Variants in DDX50 observed in about 807,000 individuals in gnomAD.
DDX50 encodes ATP-dependent RNA helicase DDX50.
Under a neutral mutation model 94.8 loss-of-function variants are expected in DDX50, and 56 were observed. That is an observed-to-expected ratio of 0.59 (90% CI 0.48 to 0.74). The LOEUF (loss-of-function observed/expected upper bound fraction) is 0.74. Among genes scored for constraint, DDX50 ranks in the 30% least tolerant of loss-of-function variants. The pLI, the probability that DDX50 is intolerant of heterozygous loss-of-function variation, is 0.00. For missense variants in DDX50, 713 were observed against 881.2 expected, an observed-to-expected ratio of 0.81 and a Z score of 2.42; for synonymous variants, 264 against 295.4, an observed-to-expected ratio of 0.89 and a Z score of 1.09.
intron 8 of DDX50, among the ~76,000 whole-genome samples, chr10:68,929,285 CT>C (rs1842173812): frequency 1.3e-5 from 1 of 77,898 alleles, no homozygotes; most frequent in African/African-American, 4.3e-5. Context: ...TCCTTCCTTC[CT>C]TCCTTCCTCT....
intron 1 of DDX50, 28 bp from the exon 2 acceptor site, chr10:68,906,683 T>G: frequency 6.3e-7 from 1 of 1,592,166 alleles, no homozygotes; most frequent in Non-Finnish European, 8.5e-7. Context: ...TCTGACCATC[T>G]TGTCATTGCT....
chr10:68,917,895 A>G (rs1002038747), intron 7 of DDX50, among the ~76,000 whole-genome samples: 14 of 150,562 alleles, frequency 9.3e-5, no homozygotes, highest in Admixed American at 8.6e-4. Context: ...GAGCCACTGT[A>G]CCTGGCCTCC....
chr10:68,916,265 A>C (rs1841787503), intron 7 of DDX50, among the ~76,000 whole-genome samples: 1 of 150,966 alleles, frequency 6.6e-6, no homozygotes, highest in Non-Finnish European at 1.5e-5. Flanking sequence ...GAGGCAGGAG[A>C]ATTGCTTGAA....
chr10:68,929,251 C>CCCTT (rs748750747), intron 8 of DDX50, among the ~76,000 whole-genome samples: 3,584 of 117,952 alleles, frequency 0.03, 183 homozygotes, highest in African/African-American at 0.091. Context: ...CCAGCCTGGT[C>CCCTT]CCTTCCTTCC....
intron 12 of DDX50, among the ~76,000 whole-genome samples, chr10:68,940,216 T>TA (rs1252760946): frequency 6.6e-6 from 1 of 151,718 alleles, no homozygotes; most frequent in African/African-American, 2.4e-5. Flanking sequence ...CCGTCTCTAC[T>TA]AAAAATACAA....
chr10:68,936,590 G>A (rs1842425569), intron 11 of DDX50, among the ~76,000 whole-genome samples: 1 of 143,972 alleles, frequency 6.9e-6, no homozygotes, highest in African/African-American at 2.6e-5. Context: ...TGTAATTCCA[G>A]CACTTCGGGA....
intron 14 of DDX50, among the ~76,000 whole-genome samples, chr10:68,944,119 TATC>T (rs1842610374): frequency 6.6e-6 from 1 of 152,214 alleles, no homozygotes. Context: ...AAAAAGACCT[TATC>T]ATAATACCAT....
chr10:68,935,276 CTG>C (rs980928446), intron 10 of DDX50, among the ~76,000 whole-genome samples: 5 of 152,240 alleles, frequency 3.3e-5, no homozygotes, highest in African/African-American at 7.2e-5. Context: ...TCTAAAGAAA[CTG>C]TACATTTTCT....
Position 68,910,374 on chromosome 10 carries a change from T to G in DDX50, c.452T>G (p.Leu151Arg). ...CCTATTTCTGAAGAGACTATAAAGC[T>G]TCTGAAAGGTATGCAGTTTGGTTGT... ...NFPISEETIK[L>R]LKGRGVTYLF... The change falls in exon 3 of 15, where the codon CTT (leucine) becomes CGT (arginine). Residue 151 changes from leucine to arginine, a missense_variant. By Grantham distance (102) the Leu-to-Arg change is moderately radical. Transcript: ENST00000373585. 1 of 1,599,416 alleles carries G rather than the reference T, an allele frequency of 6.3e-7. No homozygotes were observed. Among genetic ancestry groups the G allele is most frequent in the Non-Finnish European group, 8.5e-7 (1 of 1,176,016 alleles).
In DDX50 at chr10:68,934,342, T is replaced by A; in HGVS notation, c.1383T>A (p.Ile461=). 6.2e-7 allele frequency: 1 copy of A among 1,613,702 alleles called. No homozygotes were observed. Among genetic ancestry groups the A allele is most frequent in the African/African-American group, 1.3e-5 (1 of 75,032 alleles). The change falls in exon 9 of 15, where the codon ATT becomes ATA. Residue 461 remains isoleucine (I), a synonymous_variant. Coordinates refer to ENST00000373585, the MANE Select transcript of DDX50 (RefSeq NM_024045.2). This position sits in a 1 kb window ranked among gnomAD's most constrained non-coding sequence, Gnocchi z 4.0. ...GLDIPEVDLV[I]QSSPPQDVES... is the part of the protein sequence containing the mutation. ...ACATTCCTGAAGTTGACCTGGTGAT[T>A]CAAAGTTCTCCTCCTCAGGTAGGAA...
Position 68,922,320 on chromosome 10 carries a change from A to G in DDX50, c.1239+2339A>G, listed in dbSNP as rs984227131. On this transcript the variant is annotated intron_variant, in intron 8 of 14. Transcript: ENST00000373585. ...TGGGACTGTAGGCATGCACCACTAC[A>G]CATGCCTCAAAATTTCGCATTTTTA... Among the ~76,000 whole-genome samples the G allele has an allele frequency of 2.6e-5, 4 of 152,152 alleles. No individual in the cohort carries two copies. In the East Asian group the frequency reaches 7.7e-4, roughly 29 times the overall value.
chr10:68,939,579 C>G (rs937715817), intron 12 of DDX50, among the ~76,000 whole-genome samples: 1 of 152,126 alleles, frequency 6.6e-6, no homozygotes, highest in Non-Finnish European at 1.5e-5. Flanking sequence ...TTTGGTTTTC[C>G]TCAGACATAA....
chr10:68,941,066 G>T lies in DDX50; in HGVS notation c.1762G>T (p.Val588Leu). 6.2e-7 allele frequency: 1 copy of T among 1,606,328 alleles called. No homozygotes were observed. The highest frequency in any genetic ancestry group is 1.3e-5 in the African/African-American group (1 of 74,666). Residue 588 changes from valine to leucine, a missense_variant, in exon 13 of 15, where the codon GTG (valine) becomes TTG (leucine). Physicochemically the swap from Val to Leu is conservative, Grantham distance 32. Transcript: ENST00000373585. Reference protein sequence around the residue: ...RSLITSDKGFVTMTLESLEEI... With the variant: ...RSLITSDKGFLTMTLESLEEI... ...GTGGTTTTTATTCCTTAAGGGGTTT[G>T]TGACCATGACTCTGGAAAGCCTAGA...
At chr10:68,932,917 T>C (rs1363242699) in intron 8 of DDX50, among the ~76,000 whole-genome samples, 1 of 152,168 alleles carries the variant, frequency 6.6e-6, no homozygotes, top group East Asian at 1.9e-4. Flanking sequence ...TTTTAAATAA[T>C]ACAGTTTCTG....
Position 68,913,239 on chromosome 10 carries a change from CG to C in DDX50, c.718del (p.Val240TrpfsTer57). ...DFKDITRKLS[V>X]ACFYGGTSYQ... The stretch of plus-strand genomic sequence containing the variant: ...TCAAAGATATAACTAGGAAACTCAG[CG>C]TGGCGTGTTTTTATGGTGGAACATC... On this transcript the variant is annotated frameshift_variant, in exon 5 of 15. Coordinates refer to ENST00000373585, the MANE Select transcript of DDX50 (RefSeq NM_024045.2). LOFTEE classifies it high-confidence loss of function. 6.2e-7 allele frequency: 1 copy of C among 1,613,252 alleles called. No homozygotes were observed. Among genetic ancestry groups the C allele is most frequent in the Non-Finnish European group, 8.5e-7 (1 of 1,179,844 alleles).
chr10:68,910,490 C>A, intron 3 of DDX50, 108 bp downstream of exon 3: 1 of 785,412 alleles, frequency 1.3e-6, no homozygotes, highest in Non-Finnish European at 2.0e-6. Context: ...GCAACCTCCG[C>A]CTCCTGGGTT....
chr10:68,944,003 G>A (rs1472865872), intron 14 of DDX50, among the ~76,000 whole-genome samples: 2 of 152,106 alleles, frequency 1.3e-5, no homozygotes, highest in African/African-American at 4.8e-5. Flanking sequence ...TTTCATTTCT[G>A]TGTCCATCTA....
At position 68,934,377 on chromosome 10, in the gene DDX50, G is replaced by A; in HGVS notation, c.1401+17G>A. ...CCTCCTCAGGTAGGAAATGGGATTT[G>A]ATTTGGGAAAAATAAGAGCAATTTT... On this transcript the variant is annotated intron_variant, in intron 9 of 14. Coordinates refer to ENST00000373585, the MANE Select transcript of DDX50 (RefSeq NM_024045.2). The surrounding 1 kb of genome is among the most constrained non-coding windows in gnomAD (Gnocchi z 4.0). The A allele has an allele frequency of 6.2e-7, 1 of 1,610,216 alleles. No individual in the cohort carries two copies. Among genetic ancestry groups the A allele is most frequent in the Non-Finnish European group, 8.5e-7 (1 of 1,179,068 alleles).
intron 12 of DDX50, among the ~76,000 whole-genome samples, chr10:68,939,580 TCA>T (rs1842508183): frequency 6.6e-6 from 1 of 152,196 alleles, no homozygotes; most frequent in Non-Finnish European, 1.5e-5. Context: ...TTGGTTTTCC[TCA>T]GACATAAACT....
Sources: gnomAD v4.1 joint callset for allele counts (sites outside exome capture counted in the v4.1 genomes callset) on GRCh38, gnomAD v4.1.1 for gene constraint, Gnocchi (gnomAD v3.1) non-coding constraint, MANE v1.5 for transcripts, NCBI Gene and HGNC (gene_info 2026-07-23, HGNC 2026-07-21) for gene names.